SCLT1: variants seen among roughly 807,000 people sequenced by gnomAD.
SCLT1 encodes sodium channel-associated protein 1.
A neutral mutation model predicts 112.8 loss-of-function variants in SCLT1; 78 were observed. That is an observed-to-expected ratio of 0.69 (90% confidence interval 0.58 to 0.83). SCLT1 has a LOEUF of 0.83. SCLT1 is among the 40% of genes least tolerant of loss of function. The pLI, the probability that SCLT1 is intolerant of heterozygous loss-of-function variation, is 0.00. For missense variants in SCLT1, 747 were observed against 770.4 expected (o/e 0.97, Z 0.36); for synonymous variants, 257 against 254.7 (o/e 1.01, Z -0.09).
intron 9 of SCLT1, among the ~76,000 whole-genome samples, chr4:128,973,284 T>C (rs1740852047): frequency 6.6e-6 from 1 of 152,070 alleles, no homozygotes; most frequent in Non-Finnish European, 1.5e-5. Flanking sequence ...TGTGAGTTCA[T>C]AAAAAATATA....
intron 2 of SCLT1, among the ~76,000 whole-genome samples, chr4:129,044,830 A>G (rs1389696287): frequency 6.9e-6 from 1 of 145,642 alleles, no homozygotes; most frequent in Non-Finnish European, 1.5e-5. Context: ...ATCTCACCAA[A>G]AAAAAAAAAA....
intron 5 of SCLT1, among the ~76,000 whole-genome samples, chr4:129,033,395 G>A (rs951070587): frequency 6.6e-6 from 1 of 150,512 alleles, no homozygotes; most frequent in Non-Finnish European, 1.5e-5. Context: ...ATGCATGCGG[G>A]GCTTAAAACC....
At chr4:128,950,549 T>C (rs1018858231) in intron 14 of SCLT1, among the ~76,000 whole-genome samples, 3 of 152,184 alleles carry the variant, frequency 2.0e-5, no homozygotes, top group African/African-American at 7.2e-5. Context: ...GGGGAAAATA[T>C]GACAAAATAA....
intron 3 of SCLT1, among the ~76,000 whole-genome samples, chr4:128,878,288 T>C (rs970935815): frequency 6.6e-6 from 1 of 152,218 alleles, no homozygotes; most frequent in Non-Finnish European, 1.5e-5. Flanking sequence ...ACTTGGCTTA[T>C]ATATGGCCGA....
intron 9 of SCLT1, among the ~76,000 whole-genome samples, chr4:128,989,549 G>A (rs1259154658): frequency 1.3e-5 from 2 of 151,430 alleles, no homozygotes; most frequent in Admixed American, 6.6e-5. Context: ...ACAACCTAAG[G>A]ATATATCTTA....
At position 128,943,038 on chromosome 4, in the gene SCLT1, T is replaced by A; in HGVS notation, c.1590A>T (p.Leu530Phe). The A allele has an allele frequency of 6.2e-7, 1 of 1,612,970 alleles. No individual in the cohort carries two copies. Among genetic ancestry groups the A allele is most frequent in the Middle Eastern group, 1.7e-4 (1 of 6,054 alleles). ...TTTGAGCCTCCAGGGCAATCTTCCT[T>A]AAACTCTCAGTCTCTTTCCGTAACT... is the stretch of plus-strand genomic sequence containing the variant. ...NKQLRKETES[L>F]RKIALEAQKK... Residue 530 changes from leucine (L) to phenylalanine (F), a missense_variant, in exon 17 of 21, where the codon TTA (leucine) becomes TTT (phenylalanine). By Grantham distance (22) the Leu-to-Phe change is conservative. Coordinates refer to ENST00000281142, the MANE Select transcript of SCLT1 (RefSeq NM_144643.4).
In SCLT1 at chr4:128,952,766, T is replaced by A. The variant is rs763805444; in HGVS notation, c.1218+3A>T. Reference sequence around the variant, plus strand: ...AAGAAAATATCAGTATAGTCAAACATACCATTTGAAGGGCTGAAAGTTCTT... The same window carrying A: ...AAGAAAATATCAGTATAGTCAAACAAACCATTTGAAGGGCTGAAAGTTCTT... On this transcript the variant is annotated splice_donor_region_variant and intron_variant, in intron 14 of 20. Transcript: ENST00000281142. 21 of 1,479,586 alleles carry A rather than the reference T, an allele frequency of 1.4e-5. No homozygotes were observed. Among genetic ancestry groups the A allele is most frequent in the Non-Finnish European group, 2.0e-5 (21 of 1,057,734 alleles). 91.7% of individuals were successfully genotyped at this position (1,479,586 alleles called of 1,614,324 possible).
chr4:128,969,879 A>T (rs1245570474), intron 10 of SCLT1, among the ~76,000 whole-genome samples: 1 of 152,202 alleles, frequency 6.6e-6, no homozygotes, highest in Non-Finnish European at 1.5e-5. Flanking sequence ...ACAGATTGGA[A>T]ATAAGGCTTA....
At chr4:128,979,234 G>A (rs1741439503) in intron 9 of SCLT1, among the ~76,000 whole-genome samples, 1 of 152,124 alleles carries the variant, frequency 6.6e-6, no homozygotes, top group Non-Finnish European at 1.5e-5. Flanking sequence ...GGCTGTTTTA[G>A]TCTGAGTATC....
intron 2 of SCLT1, among the ~76,000 whole-genome samples, chr4:129,080,191 C>T (rs1561062189): frequency 6.6e-6 from 1 of 152,232 alleles, no homozygotes; most frequent in African/African-American, 2.4e-5. Context: ...CATTCAGCTC[C>T]TCTTTACTTA....
intron 13 of SCLT1, among the ~76,000 whole-genome samples, chr4:128,956,403 T>C (rs893503190): frequency 2.0e-5 from 3 of 152,066 alleles, no homozygotes; most frequent in Admixed American, 6.6e-5. Context: ...AAGACAGAGC[T>C]CCTGCAGAAA....
intron 1 of SCLT1, among the ~76,000 whole-genome samples, chr4:129,087,549 C>G (rs978964191): frequency 2.0e-5 from 3 of 150,996 alleles, no homozygotes; most frequent in Admixed American, 6.6e-5. Context: ...GAGTTCAAGA[C>G]CAGCCTGGGT....
At chr4:129,026,268 C>T (rs532753041) in intron 5 of SCLT1, among the ~76,000 whole-genome samples, 1 of 152,174 alleles carries the variant, frequency 6.6e-6, no homozygotes, top group Non-Finnish European at 1.5e-5. Flanking sequence ...CACCACACCA[C>T]ACCTATTCCA....
At chr4:129,023,109 C>A (rs564213234) in intron 5 of SCLT1, among the ~76,000 whole-genome samples, 1 of 152,134 alleles carries the variant, frequency 6.6e-6, no homozygotes, top group Non-Finnish European at 1.5e-5. Context: ...GGTATTTTGT[C>A]ACCACCACAT....
chr4:129,083,186 G>GAAAAAAAAAAAAAAAAAAAAA (rs10651058), intron 1 of SCLT1, among the ~76,000 whole-genome samples: 1 of 84,550 alleles, frequency 1.2e-5, no homozygotes, highest in Non-Finnish European at 2.1e-5. Context: ...GTGAGACTCT[G>GAAAAAAAAAAAAAAAAAAAAA]AAAAAAAAAA....
At chr4:129,055,618 T>C (rs1749296034) in intron 2 of SCLT1, among the ~76,000 whole-genome samples, 1 of 151,998 alleles carries the variant, frequency 6.6e-6, no homozygotes, top group Non-Finnish European at 1.5e-5. Flanking sequence ...TGGATGCCCC[T>C]CCCCCAACCA....
intron 5 of SCLT1, among the ~76,000 whole-genome samples, chr4:129,013,770 G>A (rs1744751133): frequency 6.6e-6 from 1 of 152,130 alleles, no homozygotes; most frequent in Non-Finnish European, 1.5e-5. Context: ...TGTAAAATCT[G>A]ATGATTATGT....
At chr4:129,007,630 A>C (rs1047108635) in intron 5 of SCLT1, among the ~76,000 whole-genome samples, 5 of 152,058 alleles carry the variant, frequency 3.3e-5, no homozygotes, top group East Asian at 1.9e-4. Flanking sequence ...GTATTTTACG[A>C]ATCTCCTTGG....
intron 17 of SCLT1, among the ~76,000 whole-genome samples, chr4:128,940,520 G>T (rs144984029): frequency 6.6e-6 from 1 of 151,852 alleles, no homozygotes; most frequent in East Asian, 1.9e-4. Flanking sequence ...CAATCATAGG[G>T]TGTATCAATA....
Sources: gnomAD v4.1 joint callset for allele counts (sites outside exome capture counted in the v4.1 genomes callset) on GRCh38, gnomAD v4.1.1 for gene constraint, MANE v1.5 for transcripts, NCBI Gene and HGNC (gene_info 2026-07-23, HGNC 2026-07-21) for gene names.